The following ERCC6 variants were observed in gnomAD, a reference collection of about 807,000 sequenced individuals.
ERCC6 encodes the protein ERCC excision repair 6, chromatin remodeling factor.
In ERCC6, 116 loss-of-function variants were observed where a neutral mutation model predicts 158.7. The ratio of observed to expected loss-of-function variants is 0.73; its 90% CI spans 0.63 to 0.85. The LOEUF (loss-of-function observed/expected upper bound fraction) is 0.85, where lower values mean the gene tolerates loss of function less well. Among genes scored for constraint, ERCC6 ranks in the 40% least tolerant of loss-of-function variants. ERCC6 has a pLI of 0.00. For synonymous variants in ERCC6, 678 were observed against 659.3 expected (o/e 1.03, Z -0.43); for missense variants, 1,698 against 1,799.4 (o/e 0.94, Z 1.02).
At chr10:49,519,771 TA>T (rs1312314742) in intron 5 of ERCC6, among the ~76,000 whole-genome samples, 4 of 152,208 alleles carry the variant, frequency 2.6e-5, no homozygotes, top group Non-Finnish European at 5.9e-5. Context: ...AAAGCTCTCC[TA>T]AATGAGAACA....
intron 8 of ERCC6, among the ~76,000 whole-genome samples, chr10:49,483,765 T>C (rs2132552979): frequency 6.6e-6 from 1 of 151,452 alleles, no homozygotes; most frequent in East Asian, 1.9e-4. Flanking sequence ...TTTATAAATA[T>C]ATACATATAT....
chr10:49,516,700 T>G (rs1590458236), intron 5 of ERCC6: 2 of 1,614,192 alleles, frequency 1.2e-6, no homozygotes, highest in East Asian at 4.5e-5. Flanking sequence ...GGAGTTCTCA[T>G]TACGGTGAAG....
At chr10:49,516,245 G>A (rs1157498954) in intron 5 of ERCC6, 1 of 1,613,898 alleles carries the variant, frequency 6.2e-7, no homozygotes. Context: ...CAAACCGAAT[G>A]GGCTTTCCCC....
intron 1 of ERCC6, among the ~76,000 whole-genome samples, chr10:49,537,292 G>A (rs1356090625): frequency 2.7e-5 from 4 of 146,500 alleles, no homozygotes; most frequent in African/African-American, 5.1e-5. Flanking sequence ...CGCAGTGAGC[G>A]AGATCGCACC....
intron 5 of ERCC6, chr10:49,515,353 C>A: frequency 6.2e-7 from 1 of 1,610,966 alleles, no homozygotes; most frequent in Non-Finnish European, 8.5e-7. Flanking sequence ...TGATATTCAA[C>A]GGAACACTTC....
chr10:49,529,860 C>A (rs1837428480), intron 3 of ERCC6, among the ~76,000 whole-genome samples: 1 of 152,140 alleles, frequency 6.6e-6, no homozygotes, highest in Admixed American at 6.5e-5. Flanking sequence ...TCAGACCTCA[C>A]AAAGCTGTAC....
intron 3 of ERCC6, among the ~76,000 whole-genome samples, chr10:49,530,293 T>C (rs1011963972): frequency 6.6e-6 from 1 of 152,202 alleles, no homozygotes; most frequent in Non-Finnish European, 1.5e-5. Context: ...TTTTTCAACT[T>C]TGTGATGGGT....
the ERCC6 span, among the ~76,000 whole-genome samples, chr10:49,446,654 TGTAGCCCCAGCCTCTTG>T: frequency 6.6e-6 from 1 of 152,134 alleles, no homozygotes; most frequent in Non-Finnish European, 1.5e-5. Flanking sequence ...GGCATCTGCC[TGTAGCCCCAGCCTCTTG>T]GGAGGCTGAG....
chr10:49,526,107 TTATATATTTTTATATATA>T lies in ERCC6; in HGVS notation c.653-1348_653-1331del, dbSNP rs1282955199. On this transcript the variant is annotated intron_variant, in intron 4 of 20. Transcript: ENST00000355832. ...TATTTATATTTATATATTTATATAT[TTATATATTTTTATATATA>T]TATATATATATATATATATATATAT... Among the ~76,000 whole-genome samples the T allele has an allele frequency of 3.2e-4, 26 of 80,560 alleles. 1 individual carries two copies. The highest frequency in any genetic ancestry group is 8.5e-4 in the South Asian group (2 of 2,352). The allele number at this position is 80,560 out of a possible 152,430, so 52.9% of individuals were successfully genotyped here. A position where few individuals can be genotyped will look rare whatever the true frequency, so the allele number is the denominator to read the frequency against.
chr10:49,439,345 T>G, the ERCC6 span, among the ~76,000 whole-genome samples: 1 of 152,266 alleles, frequency 6.6e-6, no homozygotes, highest in East Asian at 1.9e-4. Context: ...CTGCCAAGGC[T>G]TGGGGCTTGC....
At position 49,516,677 on chromosome 10, in the gene ERCC6, A is replaced by G. The variant is rs200914470; in HGVS notation, c.1397+7356T>C. The G allele has an allele frequency of 1.9e-5, 30 of 1,614,228 alleles. No homozygotes were observed. In the African/African-American group the frequency reaches 2.4e-4, roughly 13 times the overall value. On this transcript the variant is annotated intron_variant, in intron 5 of 20. Transcript: ENST00000355832. Reference sequence around the variant, plus strand: ...TGACCTCGTCATCAAGAAAAAGTTCAAGAATTTCTGTGGGAGTTCTCATTA... The same window carrying G: ...TGACCTCGTCATCAAGAAAAAGTTCGAGAATTTCTGTGGGAGTTCTCATTA...
chr10:49,497,755 A>G (rs1310352815), intron 7 of ERCC6, among the ~76,000 whole-genome samples: 1 of 152,218 alleles, frequency 6.6e-6, no homozygotes, highest in African/African-American at 2.4e-5. Context: ...ATCAATTACC[A>G]AACAGACTAC....
At chr10:49,485,112 T>C (rs1851054094) in intron 8 of ERCC6, among the ~76,000 whole-genome samples, 1 of 152,208 alleles carries the variant, frequency 6.6e-6, no homozygotes, top group Admixed American at 6.5e-5. Flanking sequence ...ACAAATGCCA[T>C]GCCCTGAAGA....
At chr10:49,438,120 C>A in the ERCC6 span, among the ~76,000 whole-genome samples, 1 of 152,070 alleles carries the variant, frequency 6.6e-6, no homozygotes, top group Non-Finnish European at 1.5e-5. Flanking sequence ...TCCAACCACA[C>A]TGCAGATCCA....
At chr10:49,515,459 A>G in intron 5 of ERCC6, 1 of 1,614,178 alleles carries the variant, frequency 6.2e-7, no homozygotes, top group Middle Eastern at 1.6e-4. Context: ...CTATCACATG[A>G]TTTATGCCAT....
intron 5 of ERCC6, among the ~76,000 whole-genome samples, chr10:49,510,222 G>A (rs111449393): frequency 1.9e-3 from 289 of 152,166 alleles, no homozygotes; most frequent in African/African-American, 6.1e-3. Flanking sequence ...TTAGGGTGCC[G>A]CATCAATGGA....
At chr10:49,529,066 G>T (rs1212254982) in intron 3 of ERCC6, among the ~76,000 whole-genome samples, 1 of 152,040 alleles carries the variant, frequency 6.6e-6, no homozygotes, top group Admixed American at 6.6e-5. Context: ...ATCTTGCCAT[G>T]CCTCTCCACC....
the ERCC6 span, among the ~76,000 whole-genome samples, chr10:49,437,953 T>C: frequency 6.6e-6 from 1 of 152,260 alleles, no homozygotes; most frequent in South Asian, 2.1e-4. Flanking sequence ...CTTTACACCA[T>C]TTATGGACTA....
rs114479292 is a variant in ERCC6 at position 49,470,379 on chromosome 10, T to C, written c.3581A>G (p.Glu1194Gly). 1.2e-4 allele frequency: 197 copies of C among 1,614,228 alleles called. No homozygotes were observed. In the East Asian group the frequency reaches 3.9e-3, roughly 32 times the overall value. ...KTKHHSVAEE[E>G]TLEKHLRPKQ... ...TGGTCTCAGATGTTTCTCCAGGGTC[T>C]CTTCTTCTGCCACACTATGATGTTT... is the stretch of plus-strand genomic sequence containing the variant. Residue 1194 changes from glutamate (E) to glycine (G), a missense_variant, in exon 18 of 21, where the codon GAG becomes GGG. Transcript: ENST00000355832.
Sources: allele counts gnomAD v4.1 joint callset (sites outside exome capture counted in the v4.1 genomes callset), GRCh38; gene constraint gnomAD v4.1.1; transcripts MANE v1.5; gene names NCBI Gene and HGNC (gene_info 2026-07-23, HGNC 2026-07-21).